Variants in CEACAM3 observed in about 807,000 individuals in gnomAD.
CEACAM3 encodes the protein CEA cell adhesion molecule 3, also known as cell adhesion molecule CEACAM3.
In CEACAM3, 32 loss-of-function variants were observed where a neutral mutation model predicts 30.1. That is an observed-to-expected ratio of 1.06 (90% confidence interval 0.80 to 1.43). The LOEUF (loss-of-function observed/expected upper bound fraction) is 1.43. Among genes scored for constraint, CEACAM3 ranks in the 40% most tolerant of loss-of-function variants. The pLI is 0.00. For synonymous variants in CEACAM3, 134 were observed against 127.2 expected (o/e 1.05, Z -0.36); for missense variants, 290 against 316.3 (o/e 0.92, Z 0.63).
intron 2 of CEACAM3, among the ~76,000 whole-genome samples, chr19:41,802,132 T>C (rs1256897448): frequency 1.3e-5 from 2 of 152,160 alleles, no homozygotes; most frequent in African/African-American, 4.8e-5. Flanking sequence ...GGTTTCACTC[T>C]CTACAATGAC....
At chr19:41,809,920 G>A in intron 3 of CEACAM3, 45 bp from the exon 4 acceptor site, 1 of 1,606,514 alleles carries the variant, frequency 6.2e-7, no homozygotes, top group Non-Finnish European at 8.5e-7. Context: ...CCAAAGTTGT[G>A]GCTTTTAACC....
rs1008670178 is a variant in CEACAM3, at chr19:41,810,234, A to G, written c.596-89A>G. The G allele has an allele frequency of 2.8e-5, 42 of 1,489,074 alleles. No individual in the cohort carries two copies. In the South Asian group the frequency reaches 3.7e-4, roughly 13 times the overall value. The allele number at this position is 1,489,074 out of a possible 1,614,324, so 92.2% of individuals were successfully genotyped here. On this transcript the variant is annotated intron_variant, in intron 4 of 6. Coordinates refer to ENST00000357396, the MANE Select transcript of CEACAM3 (RefSeq NM_001815.5). ...CCTCCCCAACCTCAGCTGCTCAGGT[A>G]TCTTAGAGCTGAGGACCCCCTACGC...
At chr19:41,809,020 C>A in intron 3 of CEACAM3, 90 bp downstream of exon 3, 1 of 906,930 alleles carries the variant, frequency 1.1e-6, no homozygotes, top group Non-Finnish European at 1.7e-6. Flanking sequence ...CAGGGCCAGG[C>A]TCTCCACGGC....
chr19:41,809,176 C>T (rs2073228579), intron 3 of CEACAM3: 1 of 309,580 alleles, frequency 3.2e-6, no homozygotes, highest in South Asian at 7.1e-5. Context: ...CTAGTTCCCT[C>T]ACACAGCAAA....
intron 2 of CEACAM3, among the ~76,000 whole-genome samples, chr19:41,806,736 G>A (rs1323036216): frequency 1.3e-5 from 2 of 152,138 alleles, no homozygotes; most frequent in Non-Finnish European, 2.9e-5. Context: ...GCCCAGGCTG[G>A]AGTGCAGTGG....
intron 2 of CEACAM3, among the ~76,000 whole-genome samples, chr19:41,802,616 C>G (rs1429608782): frequency 6.6e-6 from 1 of 152,182 alleles, no homozygotes; most frequent in African/African-American, 2.4e-5. Context: ...CAAGGAGGGA[C>G]TCTTTTGTGA....
At chr19:41,810,933 C>A (rs1555827546) in intron 6 of CEACAM3, 36 bp downstream of exon 6, 14 of 1,565,566 alleles carry the variant, frequency 8.9e-6, no homozygotes, top group Non-Finnish European at 1.2e-5. Flanking sequence ...GTCCCACAGG[C>A]CCCAGGGGAC....
At chr19:41,802,832 G>A (rs1338060855) in intron 2 of CEACAM3, among the ~76,000 whole-genome samples, 1 of 152,202 alleles carries the variant, frequency 6.6e-6, no homozygotes, top group African/African-American at 2.4e-5. Context: ...CTGGCAGTGG[G>A]TAAATGTCCA....
At position 41,803,690 on chromosome 19, in the gene CEACAM3, C is replaced by T. The variant is rs1220081887; in HGVS notation, c.425-5123C>T. ...ACCGTGTTATCCAGGATGGTCTCGACCTCCCAACCTCATGATCTGCCCGCC... is the reference window on the plus strand; with the variant it reads ...ACCGTGTTATCCAGGATGGTCTCGATCTCCCAACCTCATGATCTGCCCGCC... On this transcript the variant is annotated intron_variant, in intron 2 of 6. Coordinates refer to ENST00000357396, the MANE Select transcript of CEACAM3 (RefSeq NM_001815.5). Among the ~76,000 whole-genome samples, 120 of 129,236 alleles carry T rather than the reference C, an allele frequency of 9.3e-4. 1 individual carries two copies. Among genetic ancestry groups the T allele is most frequent in the African/African-American group, 2.8e-3 (113 of 40,568 alleles). 84.8% of individuals were successfully genotyped at this position (129,236 alleles called of 152,430 possible).
chr19:41,800,722 C>T (rs932425607), intron 2 of CEACAM3, among the ~76,000 whole-genome samples: 4 of 152,270 alleles, frequency 2.6e-5, no homozygotes, highest in Non-Finnish European at 4.4e-5. Context: ...CAGGGAAGGG[C>T]CCCCTGTCCA....
intron 2 of CEACAM3, among the ~76,000 whole-genome samples, chr19:41,801,850 C>G (rs1425108801): frequency 1.3e-4 from 20 of 152,150 alleles, no homozygotes; most frequent in African/African-American, 4.8e-4. Flanking sequence ...TCTATGGGAG[C>G]AATTAGGGAA....
intron 2 of CEACAM3, among the ~76,000 whole-genome samples, chr19:41,799,626 C>T (rs1217475612): frequency 6.6e-6 from 1 of 152,142 alleles, no homozygotes; most frequent in African/African-American, 2.4e-5. Context: ...CCACTGCCCT[C>T]ACTCGACCTG....
intron 3 of CEACAM3, 109 bp from the exon 4 acceptor site, chr19:41,809,856 G>A: frequency 9.5e-7 from 1 of 1,056,028 alleles, no homozygotes; most frequent in Admixed American, 1.8e-5. Flanking sequence ...GAGACAGGAG[G>A]TCTCCATGCC....
chr19:41,811,198 T>C lies in CEACAM3; in HGVS notation c.720T>C (p.Ile240=). ...AATTGCTAAAACATGACACAAACAT[T>C]TACTGCCGGATGGACCACAAAGCAG... ...YEELLKHDTN[I]YCRMDHKAEV... is the part of the protein sequence containing the mutation. The change falls in exon 7 of 7, where the codon ATT becomes ATC. Residue 240 remains isoleucine, a synonymous_variant. Transcript: ENST00000357396. 6.2e-7 allele frequency: 1 copy of C among 1,613,968 alleles called. No homozygotes were observed. Among genetic ancestry groups the C allele is most frequent in the Non-Finnish European group, 8.5e-7 (1 of 1,179,980 alleles).
In CEACAM3 at chr19:41,797,581, C is replaced by T. The variant is rs1555825356; in HGVS notation, c.65-8C>T. Reference sequence around the variant, plus strand: ...TCCCAATATTGACTGATGCTTTCTCCCTCCTAGCCTCACTTCTAAACTTCT... The same window carrying T: ...TCCCAATATTGACTGATGCTTTCTCTCTCCTAGCCTCACTTCTAAACTTCT... On this transcript the variant is annotated splice_polypyrimidine_tract_variant and splice_region_variant and intron_variant, in intron 1 of 6. Transcript: ENST00000357396. The T allele has an allele frequency of 6.2e-7, 1 of 1,608,304 alleles. No individual in the cohort carries two copies.
rs1163343342 is a variant in CEACAM3, at chr19:41,797,849, A to T, written c.325A>T (p.Ile109Phe). ...AATATACACCAATGCATCCCTGCTG[A>T]TCCAGAATGTCACCCAGAATGACAT... The part of the protein sequence containing the change: ...ETIYTNASLL[I>F]QNVTQNDIGF... Residue 109 changes from isoleucine to phenylalanine, a missense_variant, in exon 2 of 7, where the codon ATC becomes TTC. By Grantham distance (21) the Ile-to-Phe change is conservative. Coordinates refer to ENST00000357396, the MANE Select transcript of CEACAM3 (RefSeq NM_001815.5). 1 of 1,613,482 alleles carries T rather than the reference A, an allele frequency of 6.2e-7. No homozygotes were observed. The highest frequency in any genetic ancestry group is 8.5e-7 in the Non-Finnish European group (1 of 1,180,034).
chr19:41,801,214 C>T (rs2073144149), intron 2 of CEACAM3, among the ~76,000 whole-genome samples: 1 of 152,182 alleles, frequency 6.6e-6, no homozygotes, highest in Non-Finnish European at 1.5e-5. Context: ...CTGTTCTGTT[C>T]CCTTCCCACT....
At position 41,806,815 on chromosome 19, in the gene CEACAM3, T is replaced by C. The variant is rs576352161; in HGVS notation, c.425-1998T>C. ...CATTCTCCTGCCTCAGCCTCCCAAGTAGCTGGGACTACAGGCGCCTGCCAC... is the reference window on the plus strand; with the variant it reads ...CATTCTCCTGCCTCAGCCTCCCAAGCAGCTGGGACTACAGGCGCCTGCCAC... On this transcript the variant is annotated intron_variant, in intron 2 of 6. Coordinates refer to ENST00000357396, the MANE Select transcript of CEACAM3 (RefSeq NM_001815.5). Among the ~76,000 whole-genome samples, 16 of 152,226 alleles carry C rather than the reference T, an allele frequency of 1.1e-4. No individual in the cohort carries two copies. In the East Asian group the frequency reaches 2.9e-3, roughly 28 times the overall value.
Position 41,809,989 on chromosome 19 carries a change from G to A in CEACAM3, c.567G>A (p.Lys189=), listed in dbSNP as rs2073235528. The A allele has an allele frequency of 1.2e-6, 2 of 1,613,832 alleles. No individual in the cohort carries two copies. The highest frequency in any genetic ancestry group is 1.7e-5 in the Admixed American group (1 of 59,988). The change falls in exon 4 of 7, where the codon AAG becomes AAA. Residue 189 remains lysine, a synonymous_variant. Coordinates refer to ENST00000357396, the MANE Select transcript of CEACAM3 (RefSeq NM_001815.5). ...TGRTSIQRDL[K]EQQPQALAPG... Reference sequence around the variant, plus strand: ...GAACCAGCATCCAGCGTGACCTCAAGGAGCAGCAGCCCCAAGCCCTTGCCC... The same window carrying A: ...GAACCAGCATCCAGCGTGACCTCAAAGAGCAGCAGCCCCAAGCCCTTGCCC...
Sources: allele counts gnomAD v4.1 joint callset (sites outside exome capture counted in the v4.1 genomes callset), GRCh38; gene constraint gnomAD v4.1.1; transcripts MANE v1.5; gene names NCBI Gene and HGNC (gene_info 2026-07-23, HGNC 2026-07-21).